LSP1: variants seen among roughly 807,000 people sequenced by gnomAD.
LSP1 encodes lymphocyte specific protein 1.
A neutral mutation model predicts 49.3 loss-of-function variants in LSP1; 32 were observed. That is an observed-to-expected ratio of 0.65 (90% CI 0.49 to 0.87). LSP1 has a LOEUF of 0.87. Ranked by LOEUF, LSP1 falls within the 40% of genes least tolerant of loss-of-function variation. LSP1 has a pLI of 0.00. For synonymous variants in LSP1, 179 were observed against 178.8 expected (o/e 1.00, Z -0.01); for missense variants, 428 against 442.6 (o/e 0.97, Z 0.30).
chr11:1,884,436 G>T lies in LSP1; in HGVS notation c.636-64G>T. The T allele has an allele frequency of 6.2e-7, 1 of 1,603,470 alleles. No individual in the cohort carries two copies. The highest frequency in any genetic ancestry group is 8.5e-7 in the Non-Finnish European group (1 of 1,170,416). ...GAGACCGAGGGGGGCTCTGGGAGAG[G>T]CTTGGGCAGGTTGGGAGAAGCCTTG... On this transcript the variant is annotated intron_variant, in intron 6 of 10. Transcript: ENST00000311604. This position sits in a 1 kb window ranked among gnomAD's most constrained non-coding sequence, Gnocchi z 4.1.
Position 1,854,509 on chromosome 11 carries a change from A to G in LSP1, c.53+1312A>G, listed in dbSNP as rs558514122. On this transcript the variant is annotated intron_variant, in intron 1 of 10. Transcript: ENST00000311604. The stretch of plus-strand genomic sequence containing the variant: ...GCCGTCACATTGCTGTGGGTCTGGT[A>G]TGTGTGAGGGGTCTGCATCTCTGAC... 3.9e-5 allele frequency among the ~76,000 whole-genome samples: 6 copies of G among 152,228 alleles called. No homozygotes were observed. In the East Asian group the frequency reaches 5.8e-4, roughly 15 times the overall value.
chr11:1,888,090 A>G (rs1848831935), intron 10 of LSP1, among the ~76,000 whole-genome samples: 1 of 152,080 alleles, frequency 6.6e-6, no homozygotes, highest in Admixed American at 6.5e-5. Context: ...CCATGGTGAG[A>G]CACACATTTA....
intron 1 of LSP1, chr11:1,866,803 G>A (rs879106981): frequency 5.0e-5 from 78 of 1,550,210 alleles, no homozygotes; most frequent in East Asian, 7.3e-5. Context: ...TGCAGCCCCC[G>A]GAGGAGGGGC....
intron 1 of LSP1, among the ~76,000 whole-genome samples, chr11:1,855,294 C>T (rs1022843818): frequency 1.3e-5 from 2 of 152,296 alleles, no homozygotes; most frequent in East Asian, 3.9e-4. Context: ...AGCCCCCACA[C>T]GGGAGTCCCC....
At chr11:1,853,299 C>A in intron 1 of LSP1, 102 bp downstream of exon 1, 2 of 1,304,684 alleles carry the variant, frequency 1.5e-6, no homozygotes, top group South Asian at 1.5e-5. Flanking sequence ...GATGGGGAAT[C>A]TGGGGCCCCC....
intron 1 of LSP1, 80 bp from the exon 2 acceptor site, chr11:1,880,007 C>A (rs759735324): frequency 6.4e-7 from 1 of 1,553,472 alleles, no homozygotes; most frequent in Admixed American, 1.8e-5. Flanking sequence ...CCCAGCAAGG[C>A]CTGTGTAGAT....
In LSP1 at chr11:1,887,504, G is replaced by A; in HGVS notation, c.961G>A (p.Val321Met). ...CCCATCTGGGAAGAGGTATAAGTTT[G>A]TGGCCACCGGGCATGGGAAGTATGA... ...STPSGKRYKF[V>M]ATGHGKYEKV... The change falls in exon 10 of 11, where the codon GTG (valine) becomes ATG (methionine). Residue 321 changes from valine to methionine, a missense_variant. Transcript: ENST00000311604. 1 of 1,613,900 alleles carries A rather than the reference G, an allele frequency of 6.2e-7. No homozygotes were observed. The highest frequency in any genetic ancestry group is 8.5e-7 in the Non-Finnish European group (1 of 1,179,964).
chr11:1,883,848 C>G, intron 4 of LSP1, 84 bp from the exon 5 acceptor site: 1 of 1,291,892 alleles, frequency 7.7e-7, no homozygotes, highest in Non-Finnish European at 1.1e-6. Flanking sequence ...CAGGAAGGAA[C>G]AGCATTTGTT....
intron 10 of LSP1, chr11:1,890,370 G>A (rs1848947092): frequency 4.2e-6 from 3 of 716,730 alleles, no homozygotes; most frequent in Non-Finnish European, 7.8e-6. Context: ...GTCATGGCTG[G>A]CCTCACTCAC....
At chr11:1,865,654 G>A (rs948436003) in intron 1 of LSP1, among the ~76,000 whole-genome samples, 5 of 143,840 alleles carry the variant, frequency 3.5e-5, no homozygotes, top group South Asian at 5.2e-4. Flanking sequence ...ACTGTCACCC[G>A]CTCACGCCGT....
At chr11:1,866,691 G>T (rs569184113) in intron 1 of LSP1, 21 of 1,550,552 alleles carry the variant, frequency 1.4e-5, no homozygotes, top group Non-Finnish European at 1.7e-5. Context: ...AGGGGACGCT[G>T]CTGTCCACCA....
At position 1,884,819 on chromosome 11, in the gene LSP1, A is replaced by C. The variant is rs1417561933; in HGVS notation, c.717+238A>C. On this transcript the variant is annotated intron_variant, in intron 7 of 10. Transcript: ENST00000311604. The surrounding 1 kb of genome is among the most constrained non-coding windows in gnomAD (Gnocchi z 4.1). ...ATCAATGCTACTCCATCCAACCAAT[A>C]ATCTCCCATCCTATCAATGCTTCTG... Among the ~76,000 whole-genome samples the C allele has an allele frequency of 6.6e-6, 1 of 151,226 alleles. No individual in the cohort carries two copies. The highest frequency in any genetic ancestry group is 1.9e-4 in the East Asian group (1 of 5,136).
At chr11:1,887,080 C>G (rs1848785743) in intron 8 of LSP1, among the ~76,000 whole-genome samples, 157 bp from the exon 9 acceptor site, 1 of 152,230 alleles carries the variant, frequency 6.6e-6, no homozygotes, top group South Asian at 2.1e-4. Context: ...TTATTCCTTT[C>G]CCTGCCTCTT....
chr11:1,871,251 ACGC>A, intron 1 of LSP1: 1 of 986,796 alleles, frequency 1.0e-6, no homozygotes, highest in Non-Finnish European at 1.2e-6. Flanking sequence ...AGCCGCAGCC[ACGC>A]CGCCGGGATG....
Position 1,872,315 on chromosome 11 carries a change from G to A in LSP1, c.54-7772G>A, listed in dbSNP as rs573822178. On this transcript the variant is annotated intron_variant, in intron 1 of 10. Coordinates refer to ENST00000311604, the MANE Select transcript of LSP1 (RefSeq NM_002339.3). ...ACCTTTGGGACGGGGTCTCTGTGGT[G>A]GGCAGGCCTGGGCTGTAGTCACCCC... Among the ~76,000 whole-genome samples, 4 of 132,626 alleles carry A rather than the reference G, an allele frequency of 3.0e-5. 1 individual carries two copies. The South Asian group carries it at 1.1e-3, about 35-fold the overall frequency. 87.0% of individuals were successfully genotyped at this position (132,626 alleles called of 152,430 possible). A position where few individuals can be genotyped will look rare whatever the true frequency, so the allele number is the denominator to read the frequency against.
At position 1,871,102 on chromosome 11, in the gene LSP1, A is replaced by G. The variant is rs1010005228; in HGVS notation, c.54-8985A>G. On this transcript the variant is annotated intron_variant, in intron 1 of 10. Coordinates refer to ENST00000311604, the MANE Select transcript of LSP1 (RefSeq NM_002339.3). ...CGCGGAGTGCAGGCGAGGGCCCCAG[A>G]AAGGTCCCGCAGGTCGCCTCGCTCG... 4.1e-6 allele frequency: 4 copies of G among 985,438 alleles called. No individual in the cohort carries two copies. In the Admixed American group the frequency reaches 1.8e-4, roughly 45 times the overall value. The allele number at this position is 985,438 out of a possible 1,614,324, so 61.0% of individuals were successfully genotyped here. A position where few individuals can be genotyped will look rare whatever the true frequency, so the allele number is the denominator to read the frequency against.
intron 1 of LSP1, among the ~76,000 whole-genome samples, chr11:1,858,946 TC>T (rs1230424070): frequency 2.0e-5 from 3 of 152,118 alleles, no homozygotes; most frequent in Admixed American, 2.0e-4. Flanking sequence ...GCCAGGCAAG[TC>T]CTATCCTAAC....
At chr11:1,870,346 C>G (rs1272408412) in intron 1 of LSP1, 2 of 1,277,002 alleles carry the variant, frequency 1.6e-6, no homozygotes, top group East Asian at 1.1e-4. Flanking sequence ...CGGGGACATA[C>G]ACCGGGGAGT....
At chr11:1,861,740 T>TGAA (rs1384453636) in intron 1 of LSP1, among the ~76,000 whole-genome samples, 1 of 76,648 alleles carries the variant, frequency 1.3e-5, no homozygotes. Flanking sequence ...GATGGATGGA[T>TGAA]TGGTGGATGA....
Sources: allele counts gnomAD v4.1 joint callset (sites outside exome capture counted in the v4.1 genomes callset), GRCh38; gene constraint gnomAD v4.1.1; non-coding constraint Gnocchi (gnomAD v3.1); transcripts MANE v1.5; gene names NCBI Gene and HGNC (gene_info 2026-07-23, HGNC 2026-07-21).